Variants in GALNT13 observed in about 807,000 individuals in gnomAD.
GALNT13 encodes the protein polypeptide N-acetylgalactosaminyltransferase 13.
In GALNT13, 28 loss-of-function variants were observed where a neutral mutation model predicts 64.2. That is an observed-to-expected ratio of 0.44 (90% confidence interval 0.32 to 0.60). GALNT13 has a LOEUF of 0.60. GALNT13 is among the 20% of genes least tolerant of loss of function. The pLI is 0.05. For missense variants in GALNT13, 577 were observed against 669.8 expected, an observed-to-expected ratio of 0.86 and a Z score of 1.53; for synonymous variants, 214 against 224.6, an observed-to-expected ratio of 0.95 and a Z score of 0.42.
the GALNT13 span, among the ~76,000 whole-genome samples, chr2:153,864,502 C>T: frequency 6.6e-6 from 1 of 152,020 alleles, no homozygotes; most frequent in African/African-American, 2.4e-5. Context: ...GTGATTTTTG[C>T]ACATTGATTT....
the GALNT13 span, among the ~76,000 whole-genome samples, chr2:153,837,624 C>G: frequency 2.0e-5 from 3 of 151,976 alleles, no homozygotes; most frequent in African/African-American, 7.2e-5. Flanking sequence ...CTCTATGTAA[C>G]TATATCTATA....
At chr2:153,242,386 G>A in the GALNT13 span, among the ~76,000 whole-genome samples, 4 of 152,086 alleles carry the variant, frequency 2.6e-5, no homozygotes, top group African/African-American at 9.7e-5. Flanking sequence ...AGAAAGAAAG[G>A]AAAAGGAAAA....
At chr2:153,092,805 C>A in the GALNT13 span, among the ~76,000 whole-genome samples, 1 of 152,110 alleles carries the variant, frequency 6.6e-6, no homozygotes, top group Admixed American at 6.5e-5. Context: ...TTCATCCTTT[C>A]CAATTTTAAT....
the GALNT13 span, among the ~76,000 whole-genome samples, chr2:153,560,490 C>T: frequency 5.9e-5 from 9 of 151,998 alleles, no homozygotes; most frequent in African/African-American, 2.2e-4. Flanking sequence ...ATCTTAGACT[C>T]ATTTGCAATT....
chr2:154,378,242 CAA>C (rs1405015330), intron 9 of GALNT13, among the ~76,000 whole-genome samples: 1 of 152,096 alleles, frequency 6.6e-6, no homozygotes, highest in Non-Finnish European at 1.5e-5. Context: ...TATACTTGCT[CAA>C]TATTCAGATT....
chr2:154,437,141 C>G (rs894637979), intron 11 of GALNT13: 3 of 153,272 alleles, frequency 2.0e-5, no homozygotes, highest in African/African-American at 7.2e-5. Context: ...TCAAGCAATC[C>G]TCTCGCCTTA....
the GALNT13 span, among the ~76,000 whole-genome samples, chr2:153,792,093 T>C: frequency 3.6e-4 from 55 of 152,244 alleles, no homozygotes; most frequent in Admixed American, 1.3e-3. Flanking sequence ...AAAAAATAAA[T>C]ATTGTTTGTA....
chr2:154,164,779 A>C (rs1241166857), intron 4 of GALNT13, among the ~76,000 whole-genome samples: 1 of 152,148 alleles, frequency 6.6e-6, no homozygotes, highest in Admixed American at 6.5e-5. Context: ...TTGAGCACAC[A>C]CATGTGCACA....
At chr2:154,291,177 T>G (rs1692607149) in intron 8 of GALNT13, among the ~76,000 whole-genome samples, 1 of 152,100 alleles carries the variant, frequency 6.6e-6, no homozygotes, top group African/African-American at 2.4e-5. Context: ...TTGGTCCATT[T>G]TACAGAGAGC....
At chr2:154,058,151 T>G (rs1320960932) in intron 3 of GALNT13, among the ~76,000 whole-genome samples, 3 of 152,078 alleles carry the variant, frequency 2.0e-5, no homozygotes, top group Admixed American at 2.0e-4. Context: ...GTGGTGTGCT[T>G]ATAAGAAGAG....
intron 9 of GALNT13, among the ~76,000 whole-genome samples, chr2:154,304,131 C>T (rs1693603982): frequency 1.3e-5 from 2 of 152,048 alleles, no homozygotes; most frequent in Non-Finnish European, 2.9e-5. Context: ...GATCCAGCAT[C>T]GCTATATAAA....
At chr2:153,069,628 A>G in the GALNT13 span, among the ~76,000 whole-genome samples, 3 of 152,282 alleles carry the variant, frequency 2.0e-5, no homozygotes, top group Admixed American at 1.3e-4. Flanking sequence ...CTGAACAGGG[A>G]CTATAGTCCC....
the GALNT13 span, among the ~76,000 whole-genome samples, chr2:153,138,581 G>C: frequency 6.6e-6 from 1 of 152,024 alleles, no homozygotes; most frequent in Non-Finnish European, 1.5e-5. Context: ...AGATTTGATA[G>C]AAGAAAACAC....
the GALNT13 span, among the ~76,000 whole-genome samples, chr2:153,358,773 C>T: frequency 6.6e-6 from 1 of 152,044 alleles, no homozygotes; most frequent in Admixed American, 6.6e-5. Context: ...TTCTTTATAT[C>T]TAATTTTTAA....
the GALNT13 span, among the ~76,000 whole-genome samples, chr2:153,247,896 T>C: frequency 2.0e-5 from 3 of 152,032 alleles, no homozygotes; most frequent in South Asian, 2.1e-4. Flanking sequence ...ATTGATCCCA[T>C]AGAAATACAA....
chr2:153,646,327 C>G, the GALNT13 span, among the ~76,000 whole-genome samples: 3 of 151,816 alleles, frequency 2.0e-5, no homozygotes, highest in East Asian at 5.8e-4. Context: ...TTGAAGACAT[C>G]TGTATCTGCA....
At chr2:153,072,312 G>A in the GALNT13 span, among the ~76,000 whole-genome samples, 2 of 152,154 alleles carry the variant, frequency 1.3e-5, no homozygotes, top group African/African-American at 2.4e-5. Flanking sequence ...ACAGCGTGGT[G>A]TGCCTCTGCA....
intron 4 of GALNT13, among the ~76,000 whole-genome samples, chr2:154,162,552 C>T (rs1278345462): frequency 6.6e-6 from 1 of 152,058 alleles, no homozygotes; most frequent in Non-Finnish European, 1.5e-5. Context: ...GGGAACACAA[C>T]ACCATGTCTT....
At chr2:153,194,043 G>A in the GALNT13 span, among the ~76,000 whole-genome samples, 1 of 151,988 alleles carries the variant, frequency 6.6e-6, no homozygotes, top group Non-Finnish European at 1.5e-5. Context: ...TTTAACTTTT[G>A]ATAGTTTGAC....
Sources: gnomAD v4.1 joint callset for allele counts (sites outside exome capture counted in the v4.1 genomes callset) on GRCh38, gnomAD v4.1.1 for gene constraint, MANE v1.5 for transcripts, NCBI Gene and HGNC (gene_info 2026-07-23, HGNC 2026-07-21) for gene names.